TTC29: variants seen among roughly 807,000 people sequenced by gnomAD.
The protein encoded by TTC29 is tetratricopeptide repeat domain 29.
A neutral mutation model predicts 58.1 loss-of-function variants in TTC29; 49 were observed. The observed-to-expected ratio is 0.84, with a 90% CI of 0.67 to 1.07. The LOEUF (loss-of-function observed/expected upper bound fraction) is 1.07, where lower values mean the gene tolerates loss of function less well. Ranked by LOEUF, TTC29 falls within the 50% of genes least tolerant of loss-of-function variation. TTC29 has a pLI of 0.00. For synonymous variants in TTC29, 209 were observed against 196.8 expected, an observed-to-expected ratio of 1.06 and a Z score of -0.52; for missense variants, 582 against 555.6, an observed-to-expected ratio of 1.05 and a Z score of -0.48.
chr4:146,847,222 ATGTC>A (rs1278773677), intron 8 of TTC29, among the ~76,000 whole-genome samples: 2 of 152,246 alleles, frequency 1.3e-5, no homozygotes, highest in East Asian at 3.9e-4. Context: ...TAAATAATAA[ATGTC>A]TGGGATCTTA....
At chr4:146,735,740 G>GC (rs1744667211) in intron 11 of TTC29, among the ~76,000 whole-genome samples, 2 of 152,142 alleles carry the variant, frequency 1.3e-5, no homozygotes, top group South Asian at 4.2e-4. Context: ...GGTTAAGAGG[G>GC]CCCTTTCTAC....
chr4:146,888,730 CT>C (rs777895522), intron 6 of TTC29, among the ~76,000 whole-genome samples: 4 of 152,164 alleles, frequency 2.6e-5, no homozygotes, highest in Non-Finnish European at 4.4e-5. Context: ...TTTTCTCCCC[CT>C]AATTAGTAAA....
chr4:146,876,158 A>G (rs757692277), intron 6 of TTC29, among the ~76,000 whole-genome samples: 1 of 152,306 alleles, frequency 6.6e-6, no homozygotes, highest in Non-Finnish European at 1.5e-5. Flanking sequence ...CTTCTGCAAA[A>G]CAGGATTACT....
At chr4:146,745,656 T>G (rs1159017473) in intron 11 of TTC29, among the ~76,000 whole-genome samples, 1 of 152,238 alleles carries the variant, frequency 6.6e-6, no homozygotes, top group African/African-American at 2.4e-5. Context: ...TTTGTGACTT[T>G]AGAAACCTCA....
chr4:146,916,864 A>G (rs1156352019), intron 4 of TTC29, among the ~76,000 whole-genome samples: 4 of 151,508 alleles, frequency 2.6e-5, no homozygotes, highest in Non-Finnish European at 5.9e-5. Flanking sequence ...TCAGTTAACA[A>G]ATATTCAACT....
At chr4:146,910,545 G>T (rs537318272) in intron 4 of TTC29, among the ~76,000 whole-genome samples, 1 of 152,226 alleles carries the variant, frequency 6.6e-6, no homozygotes, top group East Asian at 1.9e-4. Context: ...AGAAAAAAAG[G>T]CAGGGACCAG....
intron 4 of TTC29, among the ~76,000 whole-genome samples, chr4:146,926,782 G>A (rs185483065): frequency 6.4e-4 from 97 of 152,248 alleles, no homozygotes; most frequent in Middle Eastern, 3.4e-3. Context: ...TTAACTTTAA[G>A]TTTCTTTAAT....
At chr4:146,873,069 G>T (rs1226002490) in intron 7 of TTC29, among the ~76,000 whole-genome samples, 1 of 152,224 alleles carries the variant, frequency 6.6e-6, no homozygotes, top group Non-Finnish European at 1.5e-5. Context: ...TAAGTAAAAG[G>T]TGTTGGCTGA....
At chr4:146,751,886 A>G (rs950434975) in intron 11 of TTC29, among the ~76,000 whole-genome samples, 2 of 152,214 alleles carry the variant, frequency 1.3e-5, no homozygotes, top group Non-Finnish European at 2.9e-5. Context: ...AAATGAATCA[A>G]TGAAACTAAG....
chr4:146,924,019 C>G (rs1255110283), intron 4 of TTC29, among the ~76,000 whole-genome samples: 1 of 151,618 alleles, frequency 6.6e-6, no homozygotes, highest in African/African-American at 2.4e-5. Flanking sequence ...CATTTCAATT[C>G]AGGGTAAAGT....
chr4:146,922,678 C>T (rs1734674637), intron 4 of TTC29, among the ~76,000 whole-genome samples: 1 of 151,636 alleles, frequency 6.6e-6, no homozygotes, highest in Admixed American at 6.6e-5. Flanking sequence ...TGCTGAAGAT[C>T]ACACACACCT....
chr4:146,823,127 TTTTG>T (rs1314350219), intron 9 of TTC29, among the ~76,000 whole-genome samples: 1 of 152,168 alleles, frequency 6.6e-6, no homozygotes. Flanking sequence ...ATTTGTGAAT[TTTTG>T]TTTTTGTTGC....
chr4:146,944,016 A>G (rs1300031153), intron 2 of TTC29: 1 of 152,298 alleles, frequency 6.6e-6, no homozygotes, highest in Non-Finnish European at 1.5e-5. Context: ...ATCTCAGGGG[A>G]AAACACACAA....
chr4:146,732,830 A>G (rs1744439739), intron 11 of TTC29, among the ~76,000 whole-genome samples: 1 of 152,178 alleles, frequency 6.6e-6, no homozygotes, highest in Non-Finnish European at 1.5e-5. Flanking sequence ...CAGCCTTATT[A>G]CCTGAGATTT....
intron 4 of TTC29, among the ~76,000 whole-genome samples, chr4:146,916,121 G>A (rs1734203554): frequency 6.6e-6 from 1 of 151,444 alleles, no homozygotes; most frequent in African/African-American, 2.4e-5. Flanking sequence ...TAATTTCCTT[G>A]GAATAAAGTG....
chr4:146,837,939 G>A (rs1173975573), intron 8 of TTC29, among the ~76,000 whole-genome samples: 1 of 152,050 alleles, frequency 6.6e-6, no homozygotes, highest in Non-Finnish European at 1.5e-5. Flanking sequence ...ATGTTACTAT[G>A]TAAGTTTCAA....
chr4:146,941,710 T>C (rs1299650652), intron 2 of TTC29, among the ~76,000 whole-genome samples: 1 of 152,194 alleles, frequency 6.6e-6, no homozygotes, highest in African/African-American at 2.4e-5. Context: ...GCTTTTATTC[T>C]TATTGAGGTA....
At chr4:146,930,212 T>A (rs1405907449) in intron 4 of TTC29, among the ~76,000 whole-genome samples, 1 of 149,902 alleles carries the variant, frequency 6.7e-6, no homozygotes, top group African/African-American at 2.4e-5. Flanking sequence ...AATACAAACA[T>A]GAAGTTTTAA....
chr4:146,878,573 C>A (rs928604441), intron 6 of TTC29, among the ~76,000 whole-genome samples: 1 of 152,122 alleles, frequency 6.6e-6, no homozygotes, highest in African/African-American at 2.4e-5. Context: ...CCCAAGGTCA[C>A]CAAAAGCCCA....
Sources: allele counts gnomAD v4.1 joint callset (sites outside exome capture counted in the v4.1 genomes callset), GRCh38; gene constraint gnomAD v4.1.1; transcripts MANE v1.5; gene names NCBI Gene and HGNC (gene_info 2026-07-23, HGNC 2026-07-21).